The following KIF26A variants were observed in gnomAD, a reference collection of about 807,000 sequenced individuals.
KIF26A encodes kinesin-like protein KIF26A.
In KIF26A, 74 loss-of-function variants were observed where a neutral mutation model predicts 126.0. The observed-to-expected ratio is 0.59, with a 90% CI of 0.49 to 0.71. The LOEUF (loss-of-function observed/expected upper bound fraction) is 0.71. Among genes scored for constraint, KIF26A ranks in the 30% least tolerant of loss-of-function variants. The pLI is 0.00. For synonymous variants in KIF26A, 1,445 were observed against 1,232.7 expected, an observed-to-expected ratio of 1.17 and a Z score of -3.61; for missense variants, 2,984 against 2,763.3, an observed-to-expected ratio of 1.08 and a Z score of -1.79.
rs200987173 is a variant in KIF26A, at chr14:104,175,034, G to A, written c.2246G>A (p.Arg749His). The A allele has an allele frequency of 1.4e-4, 219 of 1,564,148 alleles. No homozygotes were observed. Among genetic ancestry groups the A allele is most frequent in the Admixed American group, 8.7e-4 (47 of 54,016 alleles). The stretch of plus-strand genomic sequence containing the variant: ...AGCTCCTGTGAGGAAGGCCGGGCCC[G>A]TCGGCCCCCGCACCTGCGGCCCTTC... Reference protein sequence around the residue: ...GESSCEEGRARRPPHLRPFHP... With the variant: ...GESSCEEGRAHRPPHLRPFHP... The change falls in exon 12 of 15, where the codon CGT becomes CAT. Residue 749 changes from arginine to histidine, a missense_variant. Transcript: ENST00000423312.
At chr14:104,172,859 A>G in intron 7 of KIF26A, 118 bp from the exon 8 acceptor site, 1 of 1,358,926 alleles carries the variant, frequency 7.4e-7, no homozygotes, top group Non-Finnish European at 9.8e-7. Flanking sequence ...AGGGCTTAGG[A>G]TGGATCCAAA....
chr14:104,168,448 C>T (rs2141111184), intron 5 of KIF26A, among the ~76,000 whole-genome samples: 1 of 152,326 alleles, frequency 6.6e-6, no homozygotes, highest in South Asian at 2.1e-4. Flanking sequence ...GGGAGGGCCG[C>T]CGTGGGGCAT....
At chr14:104,169,291 A>G (rs1013973556) in intron 5 of KIF26A, among the ~76,000 whole-genome samples, 1 of 152,234 alleles carries the variant, frequency 6.6e-6, no homozygotes, top group Admixed American at 6.5e-5. Flanking sequence ...CCTGGCACTC[A>G]GCCTGTTTGT....
chr14:104,164,251 T>TG (rs547979977), intron 4 of KIF26A, among the ~76,000 whole-genome samples: 156 of 74,430 alleles, frequency 2.1e-3, no homozygotes, highest in South Asian at 5.8e-3. Flanking sequence ...CCGAGGGCTG[T>TG]GGGGGGGGCG....
intron 2 of KIF26A, among the ~76,000 whole-genome samples, chr14:104,147,972 G>A (rs1379120002): frequency 6.6e-6 from 1 of 152,208 alleles, no homozygotes; most frequent in Non-Finnish European, 1.5e-5. Flanking sequence ...AGGTCTGGGG[G>A]TCTGATGGCG....
Position 104,152,324 on chromosome 14 carries a change from G to C in KIF26A, c.598G>C (p.Gly200Arg). The C allele has an allele frequency of 6.3e-7, 1 of 1,580,096 alleles. No homozygotes were observed. ...GACCAAGGGGCTGGCCTGGTCCCCC[G>C]GGCCCAGTGTCCAGGTGTCTGTAGC... ...DRTKGLAWSP[G>R]PSVQVSVAPA... The change falls in exon 3 of 15, where the codon GGG (glycine) becomes CGG (arginine). Residue 200 changes from glycine (G) to arginine (R), a missense_variant. By Grantham distance (125) the Gly-to-Arg change is moderately radical. Transcript: ENST00000423312. The surrounding 1 kb of genome is among the most constrained non-coding windows in gnomAD (Gnocchi z 5.9).
Position 104,175,888 on chromosome 14 carries a change from T to C in KIF26A, c.3100T>C (p.Phe1034Leu). The change falls in exon 12 of 15, where the codon TTC (phenylalanine) becomes CTC (leucine). Residue 1034 changes from phenylalanine (F) to leucine (L), a missense_variant. Physicochemically the swap from Phe to Leu is conservative, Grantham distance 22 (BLOSUM62 0). Coordinates refer to ENST00000423312, the MANE Select transcript of KIF26A (RefSeq NM_015656.2). Reference sequence around the variant, plus strand: ...GCTCAACGGCGAGGACGAGCTGGTGTTCACGGTGGTGGAGGAGCTGTCCCT... The same window carrying C: ...GCTCAACGGCGAGGACGAGCTGGTGCTCACGGTGGTGGAGGAGCTGTCCCT... ...VELNGEDELV[F>L]TVVEELSLGA... 1 of 1,541,998 alleles carries C rather than the reference T, an allele frequency of 6.5e-7. No individual in the cohort carries two copies. The highest frequency in any genetic ancestry group is 1.2e-5 in the South Asian group (1 of 84,302).
chr14:104,177,060 C>G lies in KIF26A; in HGVS notation c.4272C>G (p.Ser1424Arg). Residue 1424 changes from serine to arginine, a missense_variant, in exon 12 of 15, where the codon AGC (serine) becomes AGG (arginine). Physicochemically the swap from Ser to Arg is moderately radical, Grantham distance 110. Coordinates refer to ENST00000423312, the MANE Select transcript of KIF26A (RefSeq NM_015656.2). The stretch of plus-strand genomic sequence containing the variant: ...CGTCCAGCCTGAAGGCCCGGGCCAG[C>G]AAGGTAGAAGCAGCACACCGTCTTG... ...RATSSLKARA[S>R]KVEAAHRLAG... is the part of the protein sequence containing the mutation. 1 of 1,589,988 alleles carries G rather than the reference C, an allele frequency of 6.3e-7. No homozygotes were observed. The highest frequency in any genetic ancestry group is 1.3e-5 in the African/African-American group (1 of 74,896).
At position 104,176,000 on chromosome 14, in the gene KIF26A, G is replaced by C. The variant is rs368918923; in HGVS notation, c.3212G>C (p.Arg1071Pro). Residue 1071 changes from arginine (R) to proline (P), a missense_variant, in exon 12 of 15, where the codon CGG becomes CCG. Coordinates refer to ENST00000423312, the MANE Select transcript of KIF26A (RefSeq NM_015656.2). ...CSLRALASGSRPVSIISSIND... is the reference protein window; with the variant it reads ...CSLRALASGSPPVSIISSIND... ...CTGCGGGCCCTGGCCTCGGGGTCCC[G>C]GCCAGTCAGCATCATCAGCAGCATC... 6.3e-7 allele frequency: 1 copy of C among 1,583,594 alleles called. No individual in the cohort carries two copies. The highest frequency in any genetic ancestry group is 1.3e-5 in the African/African-American group (1 of 74,634).
chr14:104,178,589 A>G lies in KIF26A; in HGVS notation c.5150A>G (p.Asp1717Gly). The G allele has an allele frequency of 6.6e-7, 1 of 1,523,448 alleles. No homozygotes were observed. Among genetic ancestry groups the G allele is most frequent in the Non-Finnish European group, 8.8e-7 (1 of 1,133,804 alleles). The allele number at this position is 1,523,448 out of a possible 1,614,324, so 94.4% of individuals were successfully genotyped here. A position where few individuals can be genotyped will look rare whatever the true frequency, so the allele number is the denominator to read the frequency against. Reference sequence around the variant, plus strand: ...CGCCTGATTCCCGCCCCACTGCCCGACACCACTGCCCTGGGCCGTAAGCCC... The same window carrying G: ...CGCCTGATTCCCGCCCCACTGCCCGGCACCACTGCCCTGGGCCGTAAGCCC... ...RRRLIPAPLPDTTALGRKPSL... is the reference protein window; with the variant it reads ...RRRLIPAPLPGTTALGRKPSL... Residue 1717 changes from aspartate (D) to glycine (G), a missense_variant, in exon 13 of 15, where the codon GAC becomes GGC. By Grantham distance (94) the Asp-to-Gly change is moderately conservative (BLOSUM62 -1). Coordinates refer to ENST00000423312, the MANE Select transcript of KIF26A (RefSeq NM_015656.2).
rs1441399959 is a variant in KIF26A at position 104,178,560 on chromosome 14, G to A, written c.5121G>A (p.Arg1707=). 2 of 1,472,130 alleles carry A rather than the reference G, an allele frequency of 1.4e-6. No individual in the cohort carries two copies. The allele number at this position is 1,472,130 out of a possible 1,614,324, so 91.2% of individuals were successfully genotyped here. The part of the protein sequence containing the change: ...SPKKRATGLQ[R]RRLIPAPLPD... ...GGCTCTCCGTTCCAGGTCTGCAGCG[G>A]CGGCGCCTGATTCCCGCCCCACTGC... The change falls in exon 13 of 15, where the codon CGG becomes CGA. Residue 1707 remains arginine, a synonymous_variant. Transcript: ENST00000423312.
At chr14:104,164,528 T>G in intron 4 of KIF26A, among the ~76,000 whole-genome samples, 4 of 145,740 alleles carry the variant, frequency 2.7e-5, no homozygotes, top group African/African-American at 7.7e-5. Flanking sequence ...CCTGCAGAGG[T>G]GGGGTGGGTG....
Position 104,151,994 on chromosome 14 carries a change from T to C in KIF26A, c.289-21T>C, listed in dbSNP as rs753265042. ...TCCCTCCCCAGGCACTGACCCTGCC[T>C]TTGTCCCTTGCTGTCCTCAGGATCC... On this transcript the variant is annotated intron_variant, in intron 2 of 14. Coordinates refer to ENST00000423312, the MANE Select transcript of KIF26A (RefSeq NM_015656.2). This position sits in a 1 kb window ranked among gnomAD's most constrained non-coding sequence, Gnocchi z 4.9. 1 of 1,611,180 alleles carries C rather than the reference T, an allele frequency of 6.2e-7. No individual in the cohort carries two copies. Among genetic ancestry groups the C allele is most frequent in the African/African-American group, 1.3e-5 (1 of 74,870 alleles).
intron 4 of KIF26A, among the ~76,000 whole-genome samples, chr14:104,159,422 G>C (rs2153557): frequency 0.91 from 137,854 of 152,322 alleles, 62,671 homozygotes; most frequent in East Asian, 0.95. Flanking sequence ...GAGCTCCCCC[G>C]GTCCCTGATG....
Position 104,175,706 on chromosome 14 carries a change from CTGA to C in KIF26A, c.2921_2923del (p.Asp974del). 8 of 1,596,274 alleles carry C rather than the reference CTGA, an allele frequency of 5.0e-6. No individual in the cohort carries two copies. The highest frequency in any genetic ancestry group is 6.8e-6 in the Non-Finnish European group (8 of 1,172,822). Reference sequence around the variant, plus strand: ...CCAGAAGAGCCTGGGGGAGGGGGCACTGATGGAGTGGCACGGACCCCTCCCGTG... The same window carrying C: ...CCAGAAGAGCCTGGGGGAGGGGGCACTGGAGTGGCACGGACCCCTCCCGTG... On this transcript the variant is annotated inframe_deletion, in exon 12 of 15. Transcript: ENST00000423312.
intron 4 of KIF26A, among the ~76,000 whole-genome samples, chr14:104,159,972 C>A (rs139221634): frequency 6.6e-6 from 1 of 152,114 alleles, no homozygotes. Context: ...CTTCAGCCCC[C>A]GCCCCAGGGG....
rs1018936230 is a variant in KIF26A at position 104,178,590 on chromosome 14, C to T, written c.5151C>T (p.Asp1717=). 3.3e-6 allele frequency: 5 copies of T among 1,525,502 alleles called. No individual in the cohort carries two copies. The highest frequency in any genetic ancestry group is 1.2e-5 in the South Asian group (1 of 82,134). 94.5% of individuals were successfully genotyped at this position (1,525,502 alleles called of 1,614,324 possible). The change falls in exon 13 of 15, where the codon GAC becomes GAT. Residue 1717 remains aspartate (D), a synonymous_variant. Transcript: ENST00000423312. The stretch of plus-strand genomic sequence containing the variant: ...GCCTGATTCCCGCCCCACTGCCCGA[C>T]ACCACTGCCCTGGGCCGTAAGCCCA... ...RRRLIPAPLP[D]TTALGRKPSL...
chr14:104,179,835 G>A lies in KIF26A; in HGVS notation c.*45G>A, dbSNP rs768651814. 3.4e-6 allele frequency: 5 copies of A among 1,475,016 alleles called. No individual in the cohort carries two copies. In the East Asian group the frequency reaches 9.9e-5, roughly 29 times the overall value. 91.4% of individuals were successfully genotyped at this position (1,475,016 alleles called of 1,614,324 possible). A position where few individuals can be genotyped will look rare whatever the true frequency, so the allele number is the denominator to read the frequency against. On this transcript the variant is annotated 3_prime_UTR_variant, in exon 15 of 15. Coordinates refer to ENST00000423312, the MANE Select transcript of KIF26A (RefSeq NM_015656.2). ...GGAGGGGGCGTGCAGCGGGCTGGAG[G>A]ACGGGACGTGGGACGGAGCGAGGAT...
At chr14:104,144,534 G>C (rs2037664487) in intron 2 of KIF26A, among the ~76,000 whole-genome samples, 1 of 152,192 alleles carries the variant, frequency 6.6e-6, no homozygotes, top group Admixed American at 6.5e-5. Context: ...CCTTCCCAAA[G>C]CTCCCTTAAG....
Sources: allele counts gnomAD v4.1 joint callset (sites outside exome capture counted in the v4.1 genomes callset), GRCh38; gene constraint gnomAD v4.1.1; non-coding constraint Gnocchi (gnomAD v3.1); transcripts MANE v1.5; gene names NCBI Gene and HGNC (gene_info 2026-07-23, HGNC 2026-07-21).